TLE1: variants seen among roughly 807,000 people sequenced by gnomAD.
The protein encoded by TLE1 is TLE family member 1, transcriptional corepressor, also known as transducin-like enhancer protein 1.
Under a neutral mutation model 89.8 loss-of-function variants are expected in TLE1, and 21 were observed. That is an observed-to-expected ratio of 0.23 (90% CI 0.17 to 0.34). TLE1 has a LOEUF of 0.34. Ranked by LOEUF, TLE1 falls within the 10% of genes least tolerant of loss-of-function variation. The probability of loss-of-function intolerance (pLI) is 1.00; values close to 1 mark genes in which losing one functional copy is unlikely to be tolerated. For missense variants in TLE1, 795 were observed against 1,031.2 expected (o/e 0.77, Z 3.14); for synonymous variants, 447 against 407.6 (o/e 1.10, Z -1.16).
chr9:81,646,897 T>C (rs913930209), intron 6 of TLE1, among the ~76,000 whole-genome samples: 5 of 152,194 alleles, frequency 3.3e-5, no homozygotes, highest in East Asian at 1.9e-4. Context: ...AGAAGGAATA[T>C]AGAAATCTGA....
intron 5 of TLE1, among the ~76,000 whole-genome samples, chr9:81,653,685 T>C (rs1655995496): frequency 6.6e-6 from 1 of 152,204 alleles, no homozygotes; most frequent in Admixed American, 6.5e-5. Context: ...CACCTGAATT[T>C]TCAGTAGCTC....
At chr9:81,681,460 G>A (rs1833614669) in intron 4 of TLE1, among the ~76,000 whole-genome samples, 1 of 151,890 alleles carries the variant, frequency 6.6e-6, no homozygotes, top group Non-Finnish European at 1.5e-5. Flanking sequence ...TGAGGCAGGA[G>A]AATCGCTTGA....
At position 81,585,445 on chromosome 9, in the gene TLE1, TAAGAAGCA is replaced by T; in HGVS notation, c.2128+52_2128+59del. 3 of 1,578,976 alleles carry T rather than the reference TAAGAAGCA, an allele frequency of 1.9e-6. No individual in the cohort carries two copies. The Admixed American group carries it at 5.3e-5, about 28-fold the overall frequency. On this transcript the variant is annotated intron_variant, in intron 18 of 19. Coordinates refer to ENST00000376499, the MANE Select transcript of TLE1 (RefSeq NM_005077.5). ...GATTATGATCTCTACCATATTTTTT[TAAGAAGCA>T]TTTTCCATTTGGGCCATCAACGGCC... is the stretch of plus-strand genomic sequence containing the variant.
rs1324604628 is a variant in TLE1 at position 81,585,538 on chromosome 9, T to A, written c.2095A>T (p.Ser699Cys). ...PDKYQLHLHE[S>C]CVLSLKFAYC... ...GCAAATTTCAGGGACAGCACGCAGC[T>A]CTCATGCAGGTGCAGCTGGTACTTG... is the stretch of plus-strand genomic sequence containing the variant. The change falls in exon 18 of 20, where the codon AGC becomes TGC. Residue 699 changes from serine (S) to cysteine (C), a missense_variant. Transcript: ENST00000376499. 1 of 1,613,934 alleles carries A rather than the reference T, an allele frequency of 6.2e-7. No homozygotes were observed. The highest frequency in any genetic ancestry group is 8.5e-7 in the Non-Finnish European group (1 of 1,180,030).
At chr9:81,675,387 T>C (rs1832747060) in intron 4 of TLE1, among the ~76,000 whole-genome samples, 1 of 152,188 alleles carries the variant, frequency 6.6e-6, no homozygotes, top group Admixed American at 6.5e-5. Context: ...AAGTCAAGTT[T>C]AATGCCTTGA....
At chr9:81,637,055 A>C (rs1460995801) in intron 6 of TLE1, among the ~76,000 whole-genome samples, 5 of 151,990 alleles carry the variant, frequency 3.3e-5, no homozygotes, top group Non-Finnish European at 7.4e-5. Context: ...CCATAAATCC[A>C]AGCTAGCTTT....
At chr9:81,603,771 G>A (rs1831268904) in intron 14 of TLE1, among the ~76,000 whole-genome samples, 1 of 152,192 alleles carries the variant, frequency 6.6e-6, no homozygotes, top group Non-Finnish European at 1.5e-5. Flanking sequence ...GGAGGCCAAG[G>A]TGGGTGGATC....
At chr9:81,617,656 C>T (rs574642111) in intron 9 of TLE1, among the ~76,000 whole-genome samples, 2 of 152,136 alleles carry the variant, frequency 1.3e-5, no homozygotes, top group South Asian at 2.1e-4. Context: ...GAGCTGAGAT[C>T]GTGCCACTGC....
At chr9:81,658,273 G>C (rs1209364401) in intron 4 of TLE1, among the ~76,000 whole-genome samples, 1 of 152,082 alleles carries the variant, frequency 6.6e-6, no homozygotes. Context: ...TGAATTCACA[G>C]ATGCAGAACC....
At chr9:81,679,088 C>T (rs911832503) in intron 4 of TLE1, among the ~76,000 whole-genome samples, 2 of 152,128 alleles carry the variant, frequency 1.3e-5, no homozygotes, top group Non-Finnish European at 2.9e-5. Flanking sequence ...GCGGAGGCTG[C>T]AGTGAACCAA....
intron 16 of TLE1, among the ~76,000 whole-genome samples, chr9:81,589,685 T>TA (rs1389661761): frequency 6.6e-6 from 1 of 152,136 alleles, no homozygotes; most frequent in Non-Finnish European, 1.5e-5. Flanking sequence ...GGACAGACGT[T>TA]ATGAGAACTA....
intron 8 of TLE1, among the ~76,000 whole-genome samples, chr9:81,621,699 C>G (rs1299245971): frequency 6.6e-6 from 1 of 152,182 alleles, no homozygotes; most frequent in Non-Finnish European, 1.5e-5. Flanking sequence ...TCATTCCTAA[C>G]CAGCCAGAGG....
chr9:81,589,131 G>C (rs974753571), intron 16 of TLE1, among the ~76,000 whole-genome samples: 2 of 152,120 alleles, frequency 1.3e-5, no homozygotes, highest in Non-Finnish European at 2.9e-5. Context: ...CCCAGGCCTG[G>C]AGCAGTCCCT....
At position 81,611,782 on chromosome 9, in the gene TLE1, C is replaced by G; in HGVS notation, c.1241G>C (p.Gly414Ala). Residue 414 changes from glycine (G) to alanine (A), a missense_variant, in exon 13 of 20, where the codon GGG becomes GCG. Coordinates refer to ENST00000376499, the MANE Select transcript of TLE1 (RefSeq NM_005077.5). ...ACAGCGGCCTACCATGGGGGAGCGC[C>G]CGTAGGCCACCACGGCGGCCGCGGC... is the stretch of plus-strand genomic sequence containing the variant. ...AAAAAAVVAY[G>A]RSPMVGFDPP... 1 of 1,542,024 alleles carries G rather than the reference C, an allele frequency of 6.5e-7. No individual in the cohort carries two copies. Among genetic ancestry groups the G allele is most frequent in the African/African-American group, 1.4e-5 (1 of 69,674 alleles).
intron 13 of TLE1, 93 bp downstream of exon 13, chr9:81,611,676 G>C: frequency 1.6e-6 from 2 of 1,233,534 alleles, no homozygotes; most frequent in East Asian, 6.3e-5. Flanking sequence ...TCCTGCCCAC[G>C]CAGCGCAGAG....
At chr9:81,678,122 A>G (rs1386953270) in intron 4 of TLE1, among the ~76,000 whole-genome samples, 3 of 152,208 alleles carry the variant, frequency 2.0e-5, no homozygotes, top group Non-Finnish European at 4.4e-5. Flanking sequence ...TATACCTACT[A>G]TGAGACCTTA....
intron 8 of TLE1, among the ~76,000 whole-genome samples, chr9:81,631,268 T>A (rs1826565364): frequency 6.6e-6 from 1 of 152,220 alleles, no homozygotes; most frequent in African/African-American, 2.4e-5. Context: ...ATTAAGTACT[T>A]GCATATATTT....
intron 14 of TLE1, among the ~76,000 whole-genome samples, chr9:81,594,086 A>G (rs897648455): frequency 2.6e-5 from 4 of 151,998 alleles, no homozygotes; most frequent in Admixed American, 6.6e-5. Context: ...GTAACTTTCC[A>G]CTCTATTTTG....
intron 11 of TLE1, among the ~76,000 whole-genome samples, chr9:81,615,668 G>A (rs1025871320): frequency 6.8e-6 from 1 of 146,204 alleles, no homozygotes; most frequent in African/African-American, 2.6e-5. Context: ...AGCTGAGACT[G>A]CACCACTGCA....
Sources: gnomAD v4.1 joint callset for allele counts (sites outside exome capture counted in the v4.1 genomes callset) on GRCh38, gnomAD v4.1.1 for gene constraint, MANE v1.5 for transcripts, NCBI Gene and HGNC (gene_info 2026-07-23, HGNC 2026-07-21) for gene names.